The following GIGYF2 variants were observed in gnomAD, a reference collection of about 807,000 sequenced individuals.
GIGYF2 encodes the protein GRB10 interacting GYF protein 2.
Under a neutral mutation model 208.1 loss-of-function variants are expected in GIGYF2, and 25 were observed. The ratio of observed to expected loss-of-function variants is 0.12; its 90% CI spans 0.09 to 0.17. GIGYF2 has a LOEUF of 0.17. Ranked by LOEUF, GIGYF2 falls within the 10% of genes least tolerant of loss-of-function variation. GIGYF2 has a pLI of 1.00. For synonymous variants in GIGYF2, 534 were observed against 543.8 expected, an observed-to-expected ratio of 0.98 and a Z score of 0.25; for missense variants, 1,302 against 1,579.4, an observed-to-expected ratio of 0.82 and a Z score of 2.98.
At chr2:232,833,605 A>G (rs1056704682) in intron 22 of GIGYF2, among the ~76,000 whole-genome samples, 1 of 152,248 alleles carries the variant, frequency 6.6e-6, no homozygotes, top group Admixed American at 6.5e-5. Flanking sequence ...TGCAGGCAAA[A>G]CAAGTAAATC....
chr2:232,833,896 A>C (rs1175607085), intron 22 of GIGYF2, among the ~76,000 whole-genome samples: 1 of 147,932 alleles, frequency 6.8e-6, no homozygotes, highest in Non-Finnish European at 1.5e-5. Context: ...TTTTTTTTTT[A>C]ATAAGGAGAA....
intron 6 of GIGYF2, among the ~76,000 whole-genome samples, chr2:232,759,536 A>G (rs1698668522): frequency 6.6e-6 from 1 of 152,140 alleles, no homozygotes. Flanking sequence ...TAAATGGAAT[A>G]ATTTTTATAT....
chr2:232,738,126 A>G (rs1697818466), intron 3 of GIGYF2, among the ~76,000 whole-genome samples: 1 of 152,016 alleles, frequency 6.6e-6, no homozygotes, highest in Non-Finnish European at 1.5e-5. Context: ...CATGTTGGCC[A>G]GGCTGGTCTC....
chr2:232,773,618 T>C (rs901536200), intron 8 of GIGYF2, among the ~76,000 whole-genome samples: 32 of 152,184 alleles, frequency 2.1e-4, no homozygotes, highest in African/African-American at 7.7e-4. Context: ...CTCAAGTATC[T>C]GTATTAAACC....
intron 21 of GIGYF2, among the ~76,000 whole-genome samples, chr2:232,822,031 T>C (rs1188634256): frequency 6.6e-6 from 1 of 152,090 alleles, no homozygotes; most frequent in African/African-American, 2.4e-5. Flanking sequence ...TGATTACTAC[T>C]GTACCTTTAT....
At chr2:232,852,408 G>T (rs542042845) in intron 28 of GIGYF2, among the ~76,000 whole-genome samples, 1 of 152,246 alleles carries the variant, frequency 6.6e-6, no homozygotes, top group Non-Finnish European at 1.5e-5. Flanking sequence ...AGCTGGGCGT[G>T]GTGGTGGGTG....
At chr2:232,850,798 G>A (rs959441302) in intron 28 of GIGYF2, among the ~76,000 whole-genome samples, 2 of 152,144 alleles carry the variant, frequency 1.3e-5, no homozygotes. Flanking sequence ...ATCCGATCAG[G>A]TGTTCCAAGA....
chr2:232,790,342 A>G (rs1416131559), intron 9 of GIGYF2, among the ~76,000 whole-genome samples: 2 of 152,236 alleles, frequency 1.3e-5, no homozygotes, highest in African/African-American at 4.8e-5. Flanking sequence ...TGTCTAGTGC[A>G]TTAAGTCTGG....
chr2:232,756,202 T>TTC (rs1698534474), intron 5 of GIGYF2, 21 bp from the exon 6 acceptor site: 2 of 1,056,530 alleles, frequency 1.9e-6, no homozygotes, highest in East Asian at 3.3e-5. Flanking sequence ...TTTCTCTTTT[T>TTC]TTTTTTTTTT....
intron 21 of GIGYF2, among the ~76,000 whole-genome samples, chr2:232,821,191 T>C (rs1701070331): frequency 6.6e-6 from 1 of 151,946 alleles, no homozygotes; most frequent in Non-Finnish European, 1.5e-5. Context: ...CTTTTTATTT[T>C]ACTTATTTAC....
intron 28 of GIGYF2, among the ~76,000 whole-genome samples, chr2:232,852,284 G>T (rs903829054): frequency 2.0e-5 from 3 of 151,980 alleles, no homozygotes; most frequent in Admixed American, 2.0e-4. Context: ...GGTGACTCAC[G>T]CCTGTAATCC....
intron 4 of GIGYF2, 43 bp downstream of exon 4, chr2:232,747,787 T>C: frequency 1.3e-6 from 2 of 1,572,538 alleles, no homozygotes; most frequent in African/African-American, 1.3e-5. Flanking sequence ...AATGAGACTT[T>C]GGGATATATA....
intron 14 of GIGYF2, among the ~76,000 whole-genome samples, chr2:232,799,803 T>A (rs1030748909): frequency 5.3e-5 from 8 of 152,170 alleles, no homozygotes; most frequent in African/African-American, 1.9e-4. Flanking sequence ...AACACTTTTT[T>A]AATAGTAGCC....
intron 28 of GIGYF2, among the ~76,000 whole-genome samples, chr2:232,855,407 G>A (rs1249706458): frequency 3.3e-5 from 5 of 152,158 alleles, no homozygotes; most frequent in Non-Finnish European, 5.9e-5. Flanking sequence ...ACTGCTTATT[G>A]CCTTCAATGG....
chr2:232,851,413 A>ATTTTT lies in GIGYF2; in HGVS notation c.3832+1010_3832+1014dup, dbSNP rs5839451. Among the ~76,000 whole-genome samples, 1,332 of 149,166 alleles carry ATTTTT rather than the reference A, an allele frequency of 8.9e-3. 12 individuals are homozygous for ATTTTT. Among genetic ancestry groups the ATTTTT allele is most frequent in the East Asian group, 0.033 (165 of 5,072 alleles). ...TTTTTGCAACAGTGATGAAACTAAC[A>ATTTTT]TTTTTTTTTTCTTTTTCTTTTTCTT... On this transcript the variant is annotated intron_variant, in intron 28 of 28. Transcript: ENST00000373563.
intron 8 of GIGYF2, among the ~76,000 whole-genome samples, chr2:232,764,059 G>C (rs892850585): frequency 6.6e-6 from 1 of 152,174 alleles, no homozygotes; most frequent in Non-Finnish European, 1.5e-5. Context: ...TTGGTATGCT[G>C]ATCAGATTTT....
chr2:232,724,381 T>C (rs752970732), intron 2 of GIGYF2, among the ~76,000 whole-genome samples: 1 of 151,562 alleles, frequency 6.6e-6, no homozygotes, highest in Non-Finnish European at 1.5e-5. Flanking sequence ...CCTGAAAGAG[T>C]TGACTGCATT....
At position 232,847,537 on chromosome 2, in the gene GIGYF2, C is replaced by T. The variant is rs199779111; in HGVS notation, c.3650C>T (p.Pro1217Leu). The change falls in exon 27 of 29, where the codon CCG (proline) becomes CTG (leucine). Residue 1217 changes from proline to leucine, a missense_variant. Coordinates refer to ENST00000373563, the MANE Select transcript of GIGYF2 (RefSeq NM_001103146.3). ...CTGCCACAGCAGCAGCAGCAGCAGC[C>T]GCCACAGCAGCCGCCACAGCAGCCA... ...QQLPQQQQQQ[P>L]PQQPPQQPQQ... The T allele has an allele frequency of 1.1e-4, 177 of 1,600,556 alleles. No homozygotes were observed. The highest frequency in any genetic ancestry group is 5.4e-4 in the East Asian group (24 of 44,338).
intron 8 of GIGYF2, among the ~76,000 whole-genome samples, chr2:232,763,318 A>T (rs551643674): frequency 6.6e-6 from 1 of 152,116 alleles, no homozygotes; most frequent in Non-Finnish European, 1.5e-5. Flanking sequence ...AATTTTTAGG[A>T]TTATAGTAGT....
Sources: gnomAD v4.1 joint callset for allele counts (sites outside exome capture counted in the v4.1 genomes callset) on GRCh38, gnomAD v4.1.1 for gene constraint, MANE v1.5 for transcripts, NCBI Gene and HGNC (gene_info 2026-07-23, HGNC 2026-07-21) for gene names.